Variants in OS9 observed in about 807,000 individuals in gnomAD.
The protein encoded by OS9 is protein OS-9.
In OS9, 58 loss-of-function variants were observed where a neutral mutation model predicts 84.7. That is an observed-to-expected ratio of 0.68 (90% CI 0.55 to 0.85). The LOEUF is 0.85. OS9 is among the 40% of genes least tolerant of loss of function. The pLI is 0.00. For synonymous variants in OS9, 278 were observed against 320.8 expected (o/e 0.87, Z 1.43); for missense variants, 760 against 850.9 (o/e 0.89, Z 1.33).
intron 10 of OS9, 75 bp downstream of exon 10, chr12:57,718,033 G>C: frequency 6.5e-7 from 1 of 1,527,866 alleles, no homozygotes; most frequent in Non-Finnish European, 9.0e-7. Context: ...CCTGACCTGG[G>C]ACTCAACTCC....
At position 57,717,953 on chromosome 12, in the gene OS9, A is replaced by G; in HGVS notation, c.1129A>G (p.Lys377Glu). Residue 377 changes from lysine (K) to glutamate (E), a missense_variant, in exon 10 of 15, where the codon AAA becomes GAA. Transcript: ENST00000315970. Reference protein sequence around the residue: ...RFIEELKGGTKKGKPNIGQEQ... With the variant: ...RFIEELKGGTEKGKPNIGQEQ... ...CATAGAGGAGCTGAAAGGTGGAACA[A>G]AAAAGGTATAGGCCGTGCTTAGGGA... 6.2e-7 allele frequency: 1 copy of G among 1,611,986 alleles called. No homozygotes were observed. Among genetic ancestry groups the G allele is most frequent in the Non-Finnish European group, 8.5e-7 (1 of 1,179,100 alleles).
rs1372930973 is a variant in OS9 at position 57,694,421 on chromosome 12, G to A, written c.162+98G>A. The A allele has an allele frequency of 7.1e-5, 92 of 1,303,478 alleles. 1 individual carries two copies. The South Asian group carries it at 1.2e-3, about 16-fold the overall frequency. 80.7% of individuals were successfully genotyped at this position (1,303,478 alleles called of 1,614,324 possible). ...TCCGGAGTCTGGGGCTGGAGCCTACGGGGAATCGGGAAGAGTAGGTATTGC... is the reference window on the plus strand; with the variant it reads ...TCCGGAGTCTGGGGCTGGAGCCTACAGGGAATCGGGAAGAGTAGGTATTGC... On this transcript the variant is annotated intron_variant, in intron 1 of 14. Transcript: ENST00000315970.
intron 2 of OS9, 42 bp downstream of exon 2, chr12:57,694,968 A>G (rs1953782730): frequency 1.3e-6 from 2 of 1,583,590 alleles, no homozygotes; most frequent in Non-Finnish European, 1.7e-6. Context: ...CTTGGAAACT[A>G]GCAGTTCATC....
Position 57,695,955 on chromosome 12 carries a change from C to G in OS9, c.404-7C>G. On this transcript the variant is annotated splice_polypyrimidine_tract_variant and splice_region_variant and intron_variant, in intron 3 of 14. Transcript: ENST00000315970. ...GTAACAGTGCTTCACTGTGGCTTCC[C>G]TTGCAGATTCAGAGATCAAAGGTGA... is the stretch of plus-strand genomic sequence containing the variant. The G allele has an allele frequency of 1.2e-6, 2 of 1,610,892 alleles. No individual in the cohort carries two copies. The highest frequency in any genetic ancestry group is 1.7e-6 in the Non-Finnish European group (2 of 1,177,030).
intron 9 of OS9, 68 bp from the exon 10 acceptor site, chr12:57,717,792 CAAAAAAAAAA>C (rs59663591): frequency 8.5e-3 from 3,594 of 425,252 alleles, no homozygotes; most frequent in Middle Eastern, 0.016. Flanking sequence ...GACTCTGTCT[CAAAAAAAAAA>C]AAAAAAAAAA....
intron 12 of OS9, 122 bp from the exon 13 acceptor site, chr12:57,719,977 T>C (rs1350582220): frequency 4.5e-6 from 4 of 893,244 alleles, no homozygotes; most frequent in Non-Finnish European, 5.2e-6. Flanking sequence ...CTGGCTCATA[T>C]ACATGTTGAG....
chr12:57,715,765 C>A lies in OS9; in HGVS notation c.585C>A (p.Leu195=). 6.2e-7 allele frequency: 1 copy of A among 1,602,392 alleles called. No individual in the cohort carries two copies. Among genetic ancestry groups the A allele is most frequent in the Non-Finnish European group, 8.5e-7 (1 of 1,173,498 alleles). Residue 195 remains leucine, a synonymous_variant, in exon 6 of 15, where the codon CTC becomes CTA. Coordinates refer to ENST00000315970, the MANE Select transcript of OS9 (RefSeq NM_006812.4). ...GRPREAEVRF[L]CDEGAGISGD... ...CATCCTTTCTGTCCTGGCAGTTCCT[C>A]TGTGACGAGGGTGCAGGTATCTCTG...
intron 5 of OS9, among the ~76,000 whole-genome samples, chr12:57,703,237 C>G (rs1409770565): frequency 1.3e-5 from 2 of 152,044 alleles, no homozygotes; most frequent in East Asian, 3.8e-4. Context: ...AGTTTTAGCT[C>G]TTAAATTTAG....
At chr12:57,717,654 G>A (rs1411851950) in intron 9 of OS9, among the ~76,000 whole-genome samples, 1 of 151,986 alleles carries the variant, frequency 6.6e-6, no homozygotes, top group Non-Finnish European at 1.5e-5. Context: ...TTAGCTGGGT[G>A]TGGTGGCAGG....
chr12:57,720,386 T>G lies in OS9; in HGVS notation c.1766-20T>G. On this transcript the variant is annotated intron_variant, in intron 13 of 14. Coordinates refer to ENST00000315970, the MANE Select transcript of OS9 (RefSeq NM_006812.4). Reference sequence around the variant, plus strand: ...GCTCCCAACCATCCTCTCCTCTCACTGCATACTGCTCCTTTCCAGGGAAAA... The same window carrying G: ...GCTCCCAACCATCCTCTCCTCTCACGGCATACTGCTCCTTTCCAGGGAAAA... The G allele has an allele frequency of 6.2e-7, 1 of 1,604,000 alleles. No homozygotes were observed. The highest frequency in any genetic ancestry group is 8.5e-7 in the Non-Finnish European group (1 of 1,170,740).
At chr12:57,715,472 A>G (rs1954457839) in intron 5 of OS9, among the ~76,000 whole-genome samples, 1 of 152,210 alleles carries the variant, frequency 6.6e-6, no homozygotes, top group Non-Finnish European at 1.5e-5. Flanking sequence ...TTGGTTACCT[A>G]CAGTTAAGCT....
chr12:57,707,699 A>T (rs1954212315), intron 5 of OS9, among the ~76,000 whole-genome samples: 1 of 152,102 alleles, frequency 6.6e-6, no homozygotes. Flanking sequence ...GTGTCCCGCC[A>T]CATGTTCGTT....
chr12:57,718,441 C>G lies in OS9; in HGVS notation c.1410+20C>G, dbSNP rs757066710. On this transcript the variant is annotated intron_variant, in intron 11 of 14. Coordinates refer to ENST00000315970, the MANE Select transcript of OS9 (RefSeq NM_006812.4). ...CAGGAGGCAAGCCCAGCTCTTCCTC[C>G]TGTTGCTTCCACAGCCGCCTGGTCC... is the stretch of plus-strand genomic sequence containing the variant. 2 of 1,606,332 alleles carry G rather than the reference C, an allele frequency of 1.2e-6. No homozygotes were observed. The highest frequency in any genetic ancestry group is 2.2e-5 in the South Asian group (2 of 90,098).
intron 5 of OS9, among the ~76,000 whole-genome samples, chr12:57,713,161 C>T (rs1291587208): frequency 3.3e-5 from 5 of 152,184 alleles, no homozygotes; most frequent in African/African-American, 4.8e-5. Flanking sequence ...AGCAATCAGC[C>T]TCCTTTTAAT....
rs767315704 is a variant in OS9, at chr12:57,694,799, A to G, written c.212A>G (p.Tyr71Cys). 4.8e-5 allele frequency: 77 copies of G among 1,613,938 alleles called. No individual in the cohort carries two copies. Among genetic ancestry groups the G allele is most frequent in the Non-Finnish European group, 6.3e-5 (74 of 1,180,010 alleles). The change falls in exon 2 of 15, where the codon TAT becomes TGT. Residue 71 changes from tyrosine to cysteine, a missense_variant. Coordinates refer to ENST00000315970, the MANE Select transcript of OS9 (RefSeq NM_006812.4). ...VIVSSKYKQR[Y>C]ECRLPAGAIH... ...GTCTCCTCTAAGTACAAACAGCGCT[A>G]TGAGTGTCGCCTGCCAGCTGGAGCT...
intron 2 of OS9, 55 bp from the exon 3 acceptor site, chr12:57,695,725 C>G (rs1595024803): frequency 8.7e-7 from 1 of 1,145,536 alleles, no homozygotes; most frequent in Non-Finnish European, 1.3e-6. Context: ...GACTCTGGTT[C>G]CAAGAAAAGA....
chr12:57,697,965 A>ACACACC (rs1286161062), intron 5 of OS9, among the ~76,000 whole-genome samples: 5 of 147,748 alleles, frequency 3.4e-5, no homozygotes, highest in Admixed American at 2.0e-4. Context: ...ACACACACAC[A>ACACACC]CCCTATTGCT....
At position 57,716,447 on chromosome 12, in the gene OS9, G is replaced by C; in HGVS notation, c.928G>C (p.Asp310His). The C allele has an allele frequency of 1.9e-6, 3 of 1,567,692 alleles. No individual in the cohort carries two copies. The highest frequency in any genetic ancestry group is 1.7e-6 in the Non-Finnish European group (2 of 1,155,384). ...SPTKDDSKDS[D>H]FWKMLNEPED... ...GACCAAGGATGACAGTAAGGACTCAGATTTCTGGAAGATGCTTAATGAGCC... is the reference window on the plus strand; with the variant it reads ...GACCAAGGATGACAGTAAGGACTCACATTTCTGGAAGATGCTTAATGAGCC... The change falls in exon 8 of 15, where the codon GAT (aspartate) becomes CAT (histidine). Residue 310 changes from aspartate to histidine, a missense_variant. Coordinates refer to ENST00000315970, the MANE Select transcript of OS9 (RefSeq NM_006812.4).
intron 5 of OS9, among the ~76,000 whole-genome samples, chr12:57,707,588 G>A (rs778189903): frequency 6.6e-6 from 1 of 152,062 alleles, no homozygotes; most frequent in Non-Finnish European, 1.5e-5. Context: ...TAGTAGAGAC[G>A]GGGTTTCTTC....
Sources: gnomAD v4.1 joint callset for allele counts (sites outside exome capture counted in the v4.1 genomes callset) on GRCh38, gnomAD v4.1.1 for gene constraint, MANE v1.5 for transcripts, NCBI Gene and HGNC (gene_info 2026-07-23, HGNC 2026-07-21) for gene names.